MEP1B: variants seen among roughly 807,000 people sequenced by gnomAD.
The protein encoded by MEP1B is meprin A subunit beta, also known as N-benzoyl-L-tyrosyl-P-amino-benzoic acid hydrolase subunit beta.
Under a neutral mutation model 84.6 loss-of-function variants are expected in MEP1B, and 80 were observed. The observed-to-expected ratio is 0.95, with a 90% CI of 0.79 to 1.14. The LOEUF is 1.14. Among genes scored for constraint, MEP1B ranks in the 50% most tolerant of loss-of-function variants. MEP1B has a pLI of 0.00. For missense variants in MEP1B, 766 were observed against 855.1 expected, an observed-to-expected ratio of 0.90 and a Z score of 1.30; for synonymous variants, 273 against 288.1, an observed-to-expected ratio of 0.95 and a Z score of 0.53.
In MEP1B at chr18:32,196,198, A is replaced by G. The variant is rs968651784; in HGVS notation, c.250+713A>G. The G allele has an allele frequency of 1.5e-6, 1 of 661,492 alleles. No homozygotes were observed. Among genetic ancestry groups the G allele is most frequent in the East Asian group, 2.9e-5 (1 of 34,018 alleles). 41.0% of individuals were successfully genotyped at this position (661,492 alleles called of 1,614,324 possible). ...CGCCACCTCGGCTTTCAGACTCTCCAAGTCTTTTTGGCTGAGAGGAATGAA... is the reference window on the plus strand; with the variant it reads ...CGCCACCTCGGCTTTCAGACTCTCCGAGTCTTTTTGGCTGAGAGGAATGAA... On this transcript the variant is annotated intron_variant, in intron 5 of 14. Transcript: ENST00000269202. The surrounding 1 kb of genome is among the most constrained non-coding windows in gnomAD (Gnocchi z 4.4).
intron 4 of MEP1B, 66 bp from the exon 5 acceptor site, chr18:32,195,341 A>G (rs2040841865): frequency 1.0e-6 from 1 of 976,878 alleles, no homozygotes. Context: ...TTTCTAGATT[A>G]ACTACAGGTT....
At chr18:32,210,789 CA>C (rs923650393) in intron 10 of MEP1B, 73 bp downstream of exon 10, 1 of 1,210,798 alleles carries the variant, frequency 8.3e-7, no homozygotes, top group African/African-American at 1.5e-5. Flanking sequence ...GTTAATGCAA[CA>C]ATTTACAATA....
chr18:32,195,259 G>A, intron 4 of MEP1B, 148 bp from the exon 5 acceptor site: 2 of 506,584 alleles, frequency 3.9e-6, no homozygotes, highest in South Asian at 3.3e-5. Flanking sequence ...GATAAAAGTA[G>A]GGCTACACAC....
intron 12 of MEP1B, among the ~76,000 whole-genome samples, chr18:32,215,830 A>G (rs2041080872): frequency 6.6e-6 from 1 of 152,202 alleles, no homozygotes; most frequent in Admixed American, 6.5e-5. Flanking sequence ...TCTCAAAAAA[A>G]GAAAAGAAAT....
chr18:32,212,101 ATAT>A (rs1264585248), intron 10 of MEP1B, among the ~76,000 whole-genome samples: 11 of 148,908 alleles, frequency 7.4e-5, no homozygotes, highest in African/African-American at 9.8e-5. Context: ...GTTACTATAA[ATAT>A]TATATTTTAT....
At chr18:32,198,217 C>T (rs1309298718) in intron 5 of MEP1B, among the ~76,000 whole-genome samples, 1 of 152,120 alleles carries the variant, frequency 6.6e-6, no homozygotes, top group Non-Finnish European at 1.5e-5. Flanking sequence ...AGTTGTACAC[C>T]GTACAACTGA....
At chr18:32,209,128 C>T (rs142543378) in intron 9 of MEP1B, among the ~76,000 whole-genome samples, 192 of 152,262 alleles carry the variant, frequency 1.3e-3, no homozygotes, top group Admixed American at 2.8e-3. Flanking sequence ...CTCCTAGAAC[C>T]ATATTTAAAT....
At chr18:32,212,736 G>A (rs2041040998) in intron 10 of MEP1B, among the ~76,000 whole-genome samples, 2 of 152,212 alleles carry the variant, frequency 1.3e-5, no homozygotes, top group Admixed American at 6.5e-5. Flanking sequence ...CTTTGCCTGA[G>A]TATCACAGGA....
intron 7 of MEP1B, among the ~76,000 whole-genome samples, chr18:32,205,365 C>A (rs936230767): frequency 6.6e-6 from 1 of 152,210 alleles, no homozygotes; most frequent in Non-Finnish European, 1.5e-5. Context: ...ATCTGTCCTG[C>A]CTGTGTGGGG....
chr18:32,218,192 T>C (rs1170534739), intron 14 of MEP1B, among the ~76,000 whole-genome samples: 1 of 152,134 alleles, frequency 6.6e-6, no homozygotes, highest in African/African-American at 2.4e-5. Context: ...GTATACAACA[T>C]TGTGTACAGT....
chr18:32,196,628 CCGCCTGATGTTGTCCAGCA>C lies in MEP1B; in HGVS notation c.250+1148_250+1166del, dbSNP rs2040858215. On this transcript the variant is annotated intron_variant, in intron 5 of 14. Coordinates refer to ENST00000269202, the MANE Select transcript of MEP1B (RefSeq NM_005925.3). This position sits in a 1 kb window ranked among gnomAD's most constrained non-coding sequence, Gnocchi z 4.4. ...CGTACTCCATCACCCTGTGCAGCAC[CCGCCTGATGTTGTCCAGCA>C]CGCCACCTCGGGGTGTCTTCCCCAA... The C allele has an allele frequency of 1.4e-6, 1 of 715,252 alleles. No individual in the cohort carries two copies. Among genetic ancestry groups the C allele is most frequent in the African/African-American group, 1.7e-5 (1 of 57,674 alleles). The allele number at this position is 715,252 out of a possible 1,614,324, so 44.3% of individuals were successfully genotyped here.
intron 14 of MEP1B, among the ~76,000 whole-genome samples, chr18:32,218,620 G>T (rs2041118536): frequency 6.6e-6 from 1 of 152,166 alleles, no homozygotes. Flanking sequence ...CGTATAATAG[G>T]CTGAGGGAGC....
At chr18:32,208,364 T>A (rs2144411181) in intron 9 of MEP1B, 93 bp downstream of exon 9, 2 of 1,255,416 alleles carry the variant, frequency 1.6e-6, no homozygotes, top group Non-Finnish European at 2.2e-6. Flanking sequence ...CTAATTTCTA[T>A]CAGAATTATT....
chr18:32,214,605 A>G (rs2041063809), intron 11 of MEP1B, among the ~76,000 whole-genome samples: 1 of 152,156 alleles, frequency 6.6e-6, no homozygotes, highest in African/African-American at 2.4e-5. Flanking sequence ...TCTACTTCTG[A>G]AGCACTTTGC....
chr18:32,217,954 A>G lies in MEP1B; in HGVS notation c.2080A>G (p.Thr694Ala). The G allele has an allele frequency of 6.2e-7, 1 of 1,613,780 alleles. No individual in the cohort carries two copies. The highest frequency in any genetic ancestry group is 8.5e-7 in the Non-Finnish European group (1 of 1,179,830). Residue 694 changes from threonine to alanine, a missense_variant, in exon 14 of 15, where the codon ACT (threonine) becomes GCT (alanine). Transcript: ENST00000269202. Reference sequence around the variant, plus strand: ...GATGAGCTCAAATCGACCAAATTTGACTCCGCAAAATGTAAGTTGAGGCTG... The same window carrying G: ...GATGAGCTCAAATCGACCAAATTTGGCTCCGCAAAATGTAAGTTGAGGCTG... ...ERMSSNRPNLTPQNQHAF is the reference protein window; with the variant it reads ...ERMSSNRPNLAPQNQHAF
Position 32,202,773 on chromosome 18 carries a change from C to A in MEP1B, c.251-120C>A, listed in dbSNP as rs2040924800. 3 of 624,224 alleles carry A rather than the reference C, an allele frequency of 4.8e-6. No individual in the cohort carries two copies. In the African/African-American group the frequency reaches 5.5e-5, roughly 12 times the overall value. The allele number at this position is 624,224 out of a possible 1,614,324, so 38.7% of individuals were successfully genotyped here. A position where few individuals can be genotyped will look rare whatever the true frequency, so the allele number is the denominator to read the frequency against. On this transcript the variant is annotated intron_variant, in intron 5 of 14. Coordinates refer to ENST00000269202, the MANE Select transcript of MEP1B (RefSeq NM_005925.3). The stretch of plus-strand genomic sequence containing the variant: ...CTAATTTTTGTAAAAATAAAAGACT[C>A]AACATTCATGAAGGGACTAACTCAT...
chr18:32,190,840 G>A (rs1490345625), intron 1 of MEP1B, among the ~76,000 whole-genome samples: 1 of 152,056 alleles, frequency 6.6e-6, no homozygotes, highest in Non-Finnish European at 1.5e-5. Context: ...TGGTTATAGT[G>A]TGAAACATGC....
intron 5 of MEP1B, among the ~76,000 whole-genome samples, chr18:32,197,531 T>C (rs911894981): frequency 1.3e-5 from 2 of 151,730 alleles, no homozygotes; most frequent in Admixed American, 6.6e-5. Context: ...GCGATTCTCC[T>C]GCCTCAGCTT....
chr18:32,194,233 C>T (rs538192969), intron 4 of MEP1B, among the ~76,000 whole-genome samples: 1 of 152,156 alleles, frequency 6.6e-6, no homozygotes, highest in Non-Finnish European at 1.5e-5. Flanking sequence ...CTAATTCAGG[C>T]CCCATCATCT....
Sources: allele counts gnomAD v4.1 joint callset (sites outside exome capture counted in the v4.1 genomes callset), GRCh38; gene constraint gnomAD v4.1.1; non-coding constraint Gnocchi (gnomAD v3.1); transcripts MANE v1.5; gene names NCBI Gene and HGNC (gene_info 2026-07-23, HGNC 2026-07-21).